The following TNFSF8 variants were observed in gnomAD, a reference collection of about 807,000 sequenced individuals.
TNFSF8 encodes TNF superfamily member 8.
In TNFSF8, 4 loss-of-function variants were observed where a neutral mutation model predicts 22.0. The observed-to-expected ratio is 0.18, with a 90% CI of 0.09 to 0.42. The LOEUF (loss-of-function observed/expected upper bound fraction) is 0.42. TNFSF8 is among the 10% of genes least tolerant of loss of function. The probability of loss-of-function intolerance (pLI) is 1.00; values close to 1 mark genes in which losing one functional copy is unlikely to be tolerated. For synonymous variants in TNFSF8, 106 were observed against 112.5 expected, an observed-to-expected ratio of 0.94 and a Z score of 0.37; for missense variants, 233 against 281.8, an observed-to-expected ratio of 0.83 and a Z score of 1.24.
chr9:114,897,350 A>G (rs1035234315), downstream of TNFSF8, among the ~76,000 whole-genome samples: 3 of 150,974 alleles, frequency 2.0e-5, no homozygotes, highest in Non-Finnish European at 4.4e-5. Flanking sequence ...TTGATTATTC[A>G]TTTAAGAAAT....
Position 114,902,473 on chromosome 9 carries a change from T to G in TNFSF8, c.*1458A>C. 1.0e-6 allele frequency: 1 copy of G among 985,448 alleles called. No homozygotes were observed. The highest frequency in any genetic ancestry group is 1.2e-6 in the Non-Finnish European group (1 of 829,938). 61.0% of individuals were successfully genotyped at this position (985,448 alleles called of 1,614,324 possible). A position where few individuals can be genotyped will look rare whatever the true frequency, so the allele number is the denominator to read the frequency against. On this transcript the variant is annotated 3_prime_UTR_variant, in exon 4 of 4. Coordinates refer to ENST00000223795, the MANE Select transcript of TNFSF8 (RefSeq NM_001244.4). ...TCAATTATTGTCAATCTAACTGGAATAGAGTCAGGCCTCGTCAGATGGTTT... is the reference window on the plus strand; with the variant it reads ...TCAATTATTGTCAATCTAACTGGAAGAGAGTCAGGCCTCGTCAGATGGTTT...
Position 114,903,782 on chromosome 9 carries a change from T to C in TNFSF8, c.*149A>G. ...CTCTCTTTTTAACCCTGGAGCTGTA[T>C]CTTTCCAAGAGACAGAAGGAGAAGT... On this transcript the variant is annotated 3_prime_UTR_variant, in exon 4 of 4. Transcript: ENST00000223795. 7.1e-7 allele frequency: 1 copy of C among 1,415,544 alleles called. No individual in the cohort carries two copies. The highest frequency in any genetic ancestry group is 9.2e-7 in the Non-Finnish European group (1 of 1,091,442). The allele number at this position is 1,415,544 out of a possible 1,614,324, so 87.7% of individuals were successfully genotyped here. A position where few individuals can be genotyped will look rare whatever the true frequency, so the allele number is the denominator to read the frequency against.
At chr9:114,898,454 A>T (rs1438189493), downstream of TNFSF8, among the ~76,000 whole-genome samples, 1 of 152,212 alleles carries the variant, frequency 6.6e-6, no homozygotes, top group East Asian at 1.9e-4. Flanking sequence ...GGGATTTATA[A>T]GGAGTAAGAC....
At chr9:114,917,491 G>T (rs145414489) in intron 2 of TNFSF8, among the ~76,000 whole-genome samples, 1 of 152,096 alleles carries the variant, frequency 6.6e-6, no homozygotes, top group Non-Finnish European at 1.5e-5. Context: ...AACTGAACTC[G>T]GCATATCATC....
rs905444461 is a variant in TNFSF8, at chr9:114,903,555, T to G, written c.*376A>C. ...CACCCAGCTCCCCTTCATTTCCCAT[T>G]AGGGCAGAGTTGCTAGCTGCTCTGG... On this transcript the variant is annotated 3_prime_UTR_variant, in exon 4 of 4. Coordinates refer to ENST00000223795, the MANE Select transcript of TNFSF8 (RefSeq NM_001244.4). 3.3e-5 allele frequency: 9 copies of G among 271,824 alleles called. No individual in the cohort carries two copies. In the South Asian group the frequency reaches 1.0e-3, roughly 32 times the overall value. The allele number at this position is 271,824 out of a possible 1,614,324, so 16.8% of individuals were successfully genotyped here.
intron 1 of TNFSF8, among the ~76,000 whole-genome samples, chr9:114,922,994 T>A (rs1828008024): frequency 6.6e-6 from 1 of 152,060 alleles, no homozygotes; most frequent in Non-Finnish European, 1.5e-5. Context: ...ACACCTGAGG[T>A]CTTGAGAGAT....
At chr9:114,923,522 C>CTTTCTTTCTTTCTTTCTTTCTTTCTT (rs758823996) in intron 1 of TNFSF8, among the ~76,000 whole-genome samples, 98 of 89,730 alleles carry the variant, frequency 1.1e-3, no homozygotes, top group Non-Finnish European at 1.4e-3. Context: ...TTCTTTCTTT[C>CTTTCTTTCTTTCTTTCTTTCTTTCTT]TTTTTTTTTT....
rs1827942080 is a variant in TNFSF8, at chr9:114,918,088, G to C, written c.238+8C>G. On this transcript the variant is annotated splice_region_variant and intron_variant, in intron 2 of 3. Transcript: ENST00000223795. ...ACTACACATTTACACCTAATTCCAA[G>C]ATCTTACCTCCTTTGAGGGGGACGT... 1.9e-6 allele frequency: 3 copies of C among 1,600,932 alleles called. No individual in the cohort carries two copies. Among genetic ancestry groups the C allele is most frequent in the Non-Finnish European group, 2.6e-6 (3 of 1,175,588 alleles).
intron 1 of TNFSF8, among the ~76,000 whole-genome samples, chr9:114,923,174 C>G (rs1271556448): frequency 6.6e-6 from 1 of 152,076 alleles, no homozygotes; most frequent in Non-Finnish European, 1.5e-5. Flanking sequence ...CTGGCCCTAC[C>G]ATTCCTCTCC....
At chr9:114,913,083 G>T (rs1456890630) in intron 2 of TNFSF8, among the ~76,000 whole-genome samples, 1 of 152,116 alleles carries the variant, frequency 6.6e-6, no homozygotes, top group Non-Finnish European at 1.5e-5. Flanking sequence ...ACCCTGAGAG[G>T]GAAAGTGAAT....
intron 2 of TNFSF8, among the ~76,000 whole-genome samples, chr9:114,914,226 G>A (rs1330054763): frequency 1.3e-5 from 2 of 152,194 alleles, no homozygotes; most frequent in Admixed American, 6.5e-5. Flanking sequence ...CCAGTGGCTG[G>A]AATAGCTGAG....
Position 114,902,609 on chromosome 9 carries a change from TG to T in TNFSF8, c.*1321del. ...CCATTCAGCAGGGCACCCTGAACCT[TG>T]TCCCCATATTCTGGCTCTGCTGAGA... On this transcript the variant is annotated 3_prime_UTR_variant, in exon 4 of 4. Transcript: ENST00000223795. 1.0e-6 allele frequency: 1 copy of T among 985,392 alleles called. No homozygotes were observed. The highest frequency in any genetic ancestry group is 1.2e-6 in the Non-Finnish European group (1 of 829,924). The allele number at this position is 985,392 out of a possible 1,614,324, so 61.0% of individuals were successfully genotyped here. A position where few individuals can be genotyped will look rare whatever the true frequency, so the allele number is the denominator to read the frequency against.
chr9:114,925,925 C>T (rs1828051872), intron 1 of TNFSF8, among the ~76,000 whole-genome samples: 1 of 152,096 alleles, frequency 6.6e-6, no homozygotes, highest in Non-Finnish European at 1.5e-5. Context: ...GTGGTGTTAA[C>T]CTAGGAGTCT....
chr9:114,906,973 G>T (rs138313278), intron 2 of TNFSF8, among the ~76,000 whole-genome samples: 84 of 152,260 alleles, frequency 5.5e-4, no homozygotes, highest in African/African-American at 1.7e-3. Flanking sequence ...CCATCAGACG[G>T]TAGGCAGCCA....
intron 1 of TNFSF8, among the ~76,000 whole-genome samples, chr9:114,926,616 T>C (rs1163392561): frequency 6.6e-6 from 1 of 152,240 alleles, no homozygotes; most frequent in Non-Finnish European, 1.5e-5. Context: ...TGAAATGAAC[T>C]TCTATGTACT....
chr9:114,925,216 T>C (rs1218730474), intron 1 of TNFSF8, among the ~76,000 whole-genome samples: 1 of 152,120 alleles, frequency 6.6e-6, no homozygotes, highest in East Asian at 1.9e-4. Context: ...GGACAACATA[T>C]TCACCTTATA....
intron 1 of TNFSF8, among the ~76,000 whole-genome samples, chr9:114,928,817 C>T (rs1483380234): frequency 6.6e-6 from 1 of 152,180 alleles, no homozygotes; most frequent in Non-Finnish European, 1.5e-5. Context: ...GAGATATGAG[C>T]TTCAAAGCTT....
intron 1 of TNFSF8, among the ~76,000 whole-genome samples, chr9:114,929,895 T>C (rs920334698): frequency 1.4e-5 from 2 of 147,592 alleles, no homozygotes; most frequent in Non-Finnish European, 3.0e-5. Flanking sequence ...ATATATATAA[T>C]ATATACTGTA....
At chr9:114,906,706 T>C (rs1307710072) in intron 2 of TNFSF8, among the ~76,000 whole-genome samples, 1 of 152,216 alleles carries the variant, frequency 6.6e-6, no homozygotes. Flanking sequence ...TATGTTATTA[T>C]GGTATTTAAG....
Sources: allele counts gnomAD v4.1 joint callset (sites outside exome capture counted in the v4.1 genomes callset), GRCh38; gene constraint gnomAD v4.1.1; transcripts MANE v1.5; gene names NCBI Gene and HGNC (gene_info 2026-07-23, HGNC 2026-07-21).